The following ZDHHC14 variants were observed in gnomAD, a reference collection of about 807,000 sequenced individuals.
ZDHHC14 encodes the protein palmitoyltransferase ZDHHC14.
A neutral mutation model predicts 47.7 loss-of-function variants in ZDHHC14; 16 were observed. That is an observed-to-expected ratio of 0.34 (90% CI 0.23 to 0.51). ZDHHC14 has a LOEUF of 0.51. Ranked by LOEUF, ZDHHC14 falls within the 20% of genes least tolerant of loss-of-function variation. The probability of loss-of-function intolerance (pLI) is 0.97; values close to 1 mark genes in which losing one functional copy is unlikely to be tolerated. For synonymous variants in ZDHHC14, 293 were observed against 278.9 expected (o/e 1.05, Z -0.50); for missense variants, 515 against 662.5 (o/e 0.78, Z 2.44).
intron 1 of ZDHHC14, among the ~76,000 whole-genome samples, chr6:157,542,281 G>A (rs559087666): frequency 2.6e-5 from 4 of 152,276 alleles, no homozygotes; most frequent in East Asian, 1.9e-4. Flanking sequence ...ATTTATACAA[G>A]CTCTGTGCGT....
chr6:157,531,063 G>A (rs922266641), intron 1 of ZDHHC14, among the ~76,000 whole-genome samples: 1 of 151,900 alleles, frequency 6.6e-6, no homozygotes, highest in Admixed American at 6.6e-5. Flanking sequence ...TGGAGCACAC[G>A]GAAGTGGGGT....
intron 1 of ZDHHC14, among the ~76,000 whole-genome samples, chr6:157,493,615 G>A (rs766181596): frequency 3.9e-5 from 6 of 152,260 alleles, no homozygotes; most frequent in Non-Finnish European, 7.3e-5. Flanking sequence ...AGCCACATCC[G>A]TGACAGTGGG....
At chr6:157,550,569 A>G (rs574314024) in intron 2 of ZDHHC14, among the ~76,000 whole-genome samples, 3 of 151,732 alleles carry the variant, frequency 2.0e-5, no homozygotes, top group Non-Finnish European at 4.4e-5. Context: ...TCTAGAGAGA[A>G]CACGGTGTCA....
intron 1 of ZDHHC14, among the ~76,000 whole-genome samples, chr6:157,418,051 C>T (rs1414320260): frequency 6.6e-6 from 1 of 152,156 alleles, no homozygotes; most frequent in Non-Finnish European, 1.5e-5. Flanking sequence ...CAGGCACTTT[C>T]CTCCTCTGCA....
At chr6:157,591,512 T>C (rs927685580) in intron 2 of ZDHHC14, among the ~76,000 whole-genome samples, 9 of 152,222 alleles carry the variant, frequency 5.9e-5, no homozygotes, top group African/African-American at 1.7e-4. Flanking sequence ...CTTCCCTTTC[T>C]GTCATGATTA....
At chr6:157,555,224 C>T (rs905922) in intron 2 of ZDHHC14, among the ~76,000 whole-genome samples, 32,943 of 152,098 alleles carry the variant, frequency 0.22, 4,037 homozygotes, top group Middle Eastern at 0.33. Context: ...TCGTATCTTA[C>T]ATAATATTAA....
At chr6:157,579,310 G>A (rs1383955533) in intron 2 of ZDHHC14, among the ~76,000 whole-genome samples, 1 of 141,182 alleles carries the variant, frequency 7.1e-6, no homozygotes, top group African/African-American at 2.6e-5. Context: ...CCATTCTCCT[G>A]CCTCAGCCTC....
chr6:157,563,716 C>T (rs1270125072), intron 2 of ZDHHC14, among the ~76,000 whole-genome samples: 4 of 152,214 alleles, frequency 2.6e-5, no homozygotes, highest in African/African-American at 9.6e-5. Context: ...GCACAAGTCA[C>T]GGATTGCAGA....
In ZDHHC14 at chr6:157,519,533, T is replaced by C. The variant is rs1780837919; in HGVS notation, c.246-23052T>C. 2.6e-5 allele frequency among the ~76,000 whole-genome samples: 4 copies of C among 152,182 alleles called. No homozygotes were observed. In the South Asian group the frequency reaches 8.3e-4, roughly 32 times the overall value. On this transcript the variant is annotated intron_variant, in intron 1 of 8. Transcript: ENST00000359775. ...ATACTTTTTCTAAAAGGTGCCGTCT[T>C]GGTTGTTCATAGAAACATTAATTGC...
chr6:157,661,801 G>T (rs1180035804), intron 8 of ZDHHC14, among the ~76,000 whole-genome samples: 1 of 152,216 alleles, frequency 6.6e-6, no homozygotes, highest in Non-Finnish European at 1.5e-5. Context: ...ACCAGTTTAT[G>T]ACCTAATAAA....
At chr6:157,516,407 C>A (rs770938476) in intron 1 of ZDHHC14, among the ~76,000 whole-genome samples, 2 of 152,248 alleles carry the variant, frequency 1.3e-5, no homozygotes, top group Non-Finnish European at 2.9e-5. Context: ...TATTGTCATT[C>A]CCGTGAACAG....
At chr6:157,647,922 GC>G (rs1240388445) in intron 7 of ZDHHC14, among the ~76,000 whole-genome samples, 2 of 152,166 alleles carry the variant, frequency 1.3e-5, no homozygotes, top group African/African-American at 4.8e-5. Flanking sequence ...ATCTGCATTA[GC>G]CTTTCACAAG....
At chr6:157,562,026 T>C (rs1403669118) in intron 2 of ZDHHC14, among the ~76,000 whole-genome samples, 1 of 152,168 alleles carries the variant, frequency 6.6e-6, no homozygotes, top group African/African-American at 2.4e-5. Flanking sequence ...TGGGTGTTTA[T>C]AACATATAAA....
intron 2 of ZDHHC14, among the ~76,000 whole-genome samples, chr6:157,559,932 C>T (rs894118243): frequency 9.9e-5 from 15 of 152,182 alleles, no homozygotes; most frequent in Middle Eastern, 3.4e-3. Context: ...AAAATAGAAA[C>T]CTTACTTGAA....
In ZDHHC14 at chr6:157,672,955, A is replaced by G. The variant is rs1778874000; in HGVS notation, c.1300A>G (p.Met434Val). ...CGTGATGCCCCGGAAAGATGAGCACATGGGCCACCAGTTCCTGACGCCCGA... is the reference window on the plus strand; with the variant it reads ...CGTGATGCCCCGGAAAGATGAGCACGTGGGCCACCAGTTCCTGACGCCCGA... ...ADVMPRKDEH[M>V]GHQFLTPDEA... Residue 434 changes from methionine (M) to valine (V), a missense_variant, in exon 9 of 9, where the codon ATG (methionine) becomes GTG (valine). Met to Val is a conservative substitution (Grantham distance 21). Around this residue, in one of 4 missense-constraint regions of ZDHHC14, gnomAD observed 221 missense variants for 233.6 expected, o/e 0.95. Transcript: ENST00000359775. The G allele has an allele frequency of 1.2e-6, 2 of 1,600,724 alleles. No homozygotes were observed. The highest frequency in any genetic ancestry group is 1.3e-5 in the African/African-American group (1 of 74,600).
chr6:157,612,185 C>A (rs981469845), intron 3 of ZDHHC14, among the ~76,000 whole-genome samples: 4 of 152,166 alleles, frequency 2.6e-5, no homozygotes, highest in African/African-American at 9.7e-5. Flanking sequence ...CAGCTTAAAC[C>A]ACTTCATCCC....
intron 1 of ZDHHC14, among the ~76,000 whole-genome samples, chr6:157,464,528 T>A (rs960342704): frequency 5.3e-5 from 8 of 152,250 alleles, no homozygotes; most frequent in Non-Finnish European, 8.8e-5. Flanking sequence ...TTACTTGTGC[T>A]CTTCAAATTA....
At chr6:157,450,998 TTGTGTGTGTGTGTGTGTGTGTGTGTG>T (rs34066002) in intron 1 of ZDHHC14, among the ~76,000 whole-genome samples, 1 of 147,528 alleles carries the variant, frequency 6.8e-6, no homozygotes, top group Non-Finnish European at 1.5e-5. Flanking sequence ...AAGTCTGGTC[TTGTGTGTGTGTGTGTGTGTGTGTGTG>T]TGTGTGTCTG....
intron 2 of ZDHHC14, among the ~76,000 whole-genome samples, chr6:157,587,272 T>C (rs1783730485): frequency 6.6e-6 from 1 of 152,234 alleles, no homozygotes; most frequent in African/African-American, 2.4e-5. Context: ...CTGGCACCCA[T>C]AGAGACCTGA....
Sources: allele counts gnomAD v4.1 joint callset (sites outside exome capture counted in the v4.1 genomes callset), GRCh38; gene constraint gnomAD v4.1.1; regional missense constraint gnomAD v4.1.1; transcripts MANE v1.5; gene names NCBI Gene and HGNC (gene_info 2026-07-23, HGNC 2026-07-21).